TRHDE: variants seen among roughly 807,000 people sequenced by gnomAD.
TRHDE encodes the protein thyrotropin-releasing hormone-degrading ectoenzyme.
A neutral mutation model predicts 125.7 loss-of-function variants in TRHDE; 72 were observed. The ratio of observed to expected loss-of-function variants is 0.57; its 90% confidence interval spans 0.47 to 0.70. TRHDE has a LOEUF of 0.70. TRHDE is among the 30% of genes least tolerant of loss of function. The pLI, the probability that TRHDE is intolerant of heterozygous loss-of-function variation, is 0.00. For synonymous variants in TRHDE, 509 were observed against 509.1 expected, an observed-to-expected ratio of 1.00 and a Z score of 0.00; for missense variants, 1,110 against 1,327.1, an observed-to-expected ratio of 0.84 and a Z score of 2.54.
chr12:72,155,023 A>G (rs1431882820), intron 2 of TRHDE, among the ~76,000 whole-genome samples: 2 of 152,210 alleles, frequency 1.3e-5, no homozygotes, highest in Non-Finnish European at 2.9e-5. Context: ...CGTCACTTTC[A>G]GGTACACCAA....
At position 72,378,138 on chromosome 12, in the gene TRHDE, T is replaced by A; in HGVS notation, c.1315+17T>A. 1 of 1,569,768 alleles carries A rather than the reference T, an allele frequency of 6.4e-7. No individual in the cohort carries two copies. The highest frequency in any genetic ancestry group is 8.6e-7 in the Non-Finnish European group (1 of 1,164,110). On this transcript the variant is annotated intron_variant, in intron 3 of 18. Coordinates refer to ENST00000261180, the MANE Select transcript of TRHDE (RefSeq NM_013381.3). ...CAAAACTAGGTAAGAATTTTCTTGG[T>A]TATTTTATTGGAAGGGCTCCTTGAA... is the stretch of plus-strand genomic sequence containing the variant.
chr12:72,165,915 T>C (rs1473192694), intron 2 of TRHDE, among the ~76,000 whole-genome samples: 1 of 152,102 alleles, frequency 6.6e-6, no homozygotes, highest in Non-Finnish European at 1.5e-5. Flanking sequence ...GACCTCATGA[T>C]CTGCCCGCCA....
intron 15 of TRHDE, 113 bp downstream of exon 15, chr12:72,621,864 C>A (rs1873067248): frequency 1.3e-6 from 1 of 747,402 alleles, no homozygotes; most frequent in Non-Finnish European, 2.1e-6. Context: ...AAAACAAAAG[C>A]ATGCAGCAAC....
At chr12:72,511,758 C>T (rs528023688) in intron 6 of TRHDE, among the ~76,000 whole-genome samples, 82 of 152,066 alleles carry the variant, frequency 5.4e-4, no homozygotes, top group Admixed American at 5.2e-3. Flanking sequence ...TTTTCCTGTG[C>T]GAACCTTAAC....
chr12:72,090,364 C>A (rs1874761570), intron 1 of TRHDE, among the ~76,000 whole-genome samples: 1 of 152,204 alleles, frequency 6.6e-6, no homozygotes, highest in Non-Finnish European at 1.5e-5. Context: ...GGACACTATT[C>A]ACCACTGAGG....
chr12:72,534,939 T>TTCAGTTTTTA (rs1204374693), intron 6 of TRHDE, among the ~76,000 whole-genome samples: 8 of 152,116 alleles, frequency 5.3e-5, no homozygotes, highest in Admixed American at 2.6e-4. Flanking sequence ...GATTATCTGG[T>TTCAGTTTTTA]CACATGGAAA....
chr12:72,584,889 A>G (rs966983740), intron 12 of TRHDE, among the ~76,000 whole-genome samples: 1 of 152,228 alleles, frequency 6.6e-6, no homozygotes, highest in Admixed American at 6.5e-5. Flanking sequence ...TTTGACAGAA[A>G]CAGTACTCTA....
intron 6 of TRHDE, among the ~76,000 whole-genome samples, chr12:72,501,925 A>C (rs552211095): frequency 6.6e-6 from 1 of 152,166 alleles, no homozygotes; most frequent in African/African-American, 2.4e-5. Context: ...CACTTCGCCC[A>C]TTTCATCTAA....
intron 1 of TRHDE, among the ~76,000 whole-genome samples, chr12:72,277,483 C>T (rs1160118506): frequency 1.3e-5 from 2 of 152,104 alleles, no homozygotes; most frequent in African/African-American, 4.8e-5. Context: ...GCTTTTTGTC[C>T]CTCTATAGAG....
intron 6 of TRHDE, among the ~76,000 whole-genome samples, chr12:72,528,068 C>T (rs999003988): frequency 6.6e-6 from 1 of 152,110 alleles, no homozygotes; most frequent in Non-Finnish European, 1.5e-5. Context: ...TGCTACCATT[C>T]AGCCAATTCC....
chr12:72,105,987 T>C (rs2139292098), intron 2 of TRHDE, among the ~76,000 whole-genome samples: 1 of 152,250 alleles, frequency 6.6e-6, no homozygotes, highest in East Asian at 1.9e-4. Flanking sequence ...TTAAGAGCTC[T>C]TGAGTCATGT....
At chr12:72,319,889 G>A (rs1868998994) in intron 2 of TRHDE, among the ~76,000 whole-genome samples, 1 of 151,986 alleles carries the variant, frequency 6.6e-6, no homozygotes, top group South Asian at 2.1e-4. Context: ...GAATTGAATA[G>A]CTGATGATGT....
chr12:72,563,083 T>C (rs752358810), intron 9 of TRHDE, 43 bp downstream of exon 9: 3 of 1,386,960 alleles, frequency 2.2e-6, no homozygotes, highest in South Asian at 2.7e-5. Flanking sequence ...TTTTTATTCT[T>C]ACATTTGTAG....
At chr12:72,353,753 A>G (rs1371953934) in intron 2 of TRHDE, among the ~76,000 whole-genome samples, 1 of 151,580 alleles carries the variant, frequency 6.6e-6, no homozygotes, top group Non-Finnish European at 1.5e-5. Flanking sequence ...CCACAATCAA[A>G]TTTGCAAAAG....
intron 3 of TRHDE, among the ~76,000 whole-genome samples, chr12:72,425,104 C>G (rs1436530992): frequency 2.6e-5 from 4 of 152,034 alleles, no homozygotes; most frequent in Non-Finnish European, 5.9e-5. Flanking sequence ...TTTAGGATAG[C>G]TTTATAAAAA....
chr12:72,183,717 G>A (rs545091376), intron 2 of TRHDE, among the ~76,000 whole-genome samples: 15 of 152,250 alleles, frequency 9.9e-5, no homozygotes, highest in African/African-American at 3.6e-4. Flanking sequence ...TTAGTTTAGA[G>A]TCTAGTCTAG....
At chr12:72,601,660 A>G (rs1324935279) in intron 12 of TRHDE, among the ~76,000 whole-genome samples, 4 of 152,140 alleles carry the variant, frequency 2.6e-5, no homozygotes, top group Admixed American at 6.5e-5. Context: ...AATCACCACT[A>G]TTATTCAGCA....
intron 2 of TRHDE, among the ~76,000 whole-genome samples, chr12:72,164,579 C>T (rs111696781): frequency 9.9e-5 from 15 of 152,268 alleles, no homozygotes; most frequent in African/African-American, 3.4e-4. Flanking sequence ...ACATACAGTC[C>T]AGTGGCAGTG....
At chr12:72,163,349 G>A (rs933831777) in intron 2 of TRHDE, among the ~76,000 whole-genome samples, 4 of 152,104 alleles carry the variant, frequency 2.6e-5, no homozygotes, top group African/African-American at 9.7e-5. Context: ...CCTCTCAAAG[G>A]GATGACGGTT....
Sources: allele counts gnomAD v4.1 joint callset (sites outside exome capture counted in the v4.1 genomes callset), GRCh38; gene constraint gnomAD v4.1.1; transcripts MANE v1.5; gene names NCBI Gene and HGNC (gene_info 2026-07-23, HGNC 2026-07-21).